The following SYT13 variants were observed in gnomAD, a reference collection of about 807,000 sequenced individuals.
SYT13 encodes synaptotagmin-13.
SYT13 carries 21 observed loss-of-function variants against 38.6 expected under a neutral mutation model. The observed-to-expected ratio is 0.54, with a 90% CI of 0.39 to 0.78. SYT13 has a LOEUF of 0.78. Among genes scored for constraint, SYT13 ranks in the 30% least tolerant of loss-of-function variants. The pLI is 0.00. For missense variants in SYT13, 495 were observed against 548.7 expected, an observed-to-expected ratio of 0.90 and a Z score of 0.98; for synonymous variants, 241 against 237.6, an observed-to-expected ratio of 1.01 and a Z score of -0.13.
intron 1 of SYT13, among the ~76,000 whole-genome samples, chr11:45,260,083 G>T (rs1230395695): frequency 1.3e-5 from 2 of 152,188 alleles, no homozygotes; most frequent in African/African-American, 4.8e-5. Context: ...CATGACCCTG[G>T]TGTAGAGAAA....
chr11:45,282,299 A>G (rs1855084035), intron 1 of SYT13, among the ~76,000 whole-genome samples: 1 of 152,196 alleles, frequency 6.6e-6, no homozygotes, highest in African/African-American at 2.4e-5. Context: ...GAAGGGCTGC[A>G]CATTAAGAGT....
chr11:45,255,727 G>A lies in SYT13; in HGVS notation c.348C>T (p.Pro116=), dbSNP rs373842515. ...EEPTAPASPQ[P]PNDSRLKRQV... is the part of the protein sequence containing the mutation. ...GCCTCTTGAGGCGACTGTCATTCGGGGGTTGGGGGCTGGCAGGTGCAGTGG... is the reference window on the plus strand; with the variant it reads ...GCCTCTTGAGGCGACTGTCATTCGGAGGTTGGGGGCTGGCAGGTGCAGTGG... Residue 116 remains proline, a synonymous_variant, in exon 2 of 6, where the codon CCC becomes CCT. Transcript: ENST00000020926. The A allele has an allele frequency of 3.1e-6, 5 of 1,614,102 alleles. No individual in the cohort carries two copies. In the East Asian group the frequency reaches 6.7e-5, roughly 22 times the overall value.
At position 45,255,660 on chromosome 11, in the gene SYT13, C is replaced by T. The variant is rs1854735165; in HGVS notation, c.409+6G>A. The T allele has an allele frequency of 6.2e-7, 1 of 1,611,450 alleles. No individual in the cohort carries two copies. ...CATGGAAGTGCAGGGGGCAGGAGAC[C>T]CCTACCATTCTGAGGGAGGATGAAC... On this transcript the variant is annotated splice_donor_region_variant and intron_variant, in intron 2 of 5. Transcript: ENST00000020926.
chr11:45,260,519 G>A (rs969877615), intron 1 of SYT13, among the ~76,000 whole-genome samples: 1 of 152,160 alleles, frequency 6.6e-6, no homozygotes, highest in Non-Finnish European at 1.5e-5. Flanking sequence ...CAGGGCCCTA[G>A]AGAGAGACCT....
chr11:45,252,501 C>G lies in SYT13; in HGVS notation c.766G>C (p.Gly256Arg). The G allele has an allele frequency of 6.2e-7, 1 of 1,613,820 alleles. No homozygotes were observed. Among genetic ancestry groups the G allele is most frequent in the South Asian group, 1.1e-5 (1 of 91,074 alleles). ...CDRFSRHSVA[G>R]ELRLGLDGTS... is the part of the protein sequence containing the mutation. ...CCGTCCAGGCCCAGGCGGAGCTCCC[C>G]GGCCACGCTGTGACGGGAGAAGCGG... Residue 256 changes from glycine to arginine, a missense_variant, in exon 4 of 6, where the codon GGG becomes CGG. Coordinates refer to ENST00000020926, the MANE Select transcript of SYT13 (RefSeq NM_020826.3). The surrounding 1 kb of genome is among the most constrained non-coding windows in gnomAD (Gnocchi z 4.3).
At chr11:45,275,005 C>A (rs1854992702) in intron 1 of SYT13, among the ~76,000 whole-genome samples, 1 of 152,120 alleles carries the variant, frequency 6.6e-6, no homozygotes, top group African/African-American at 2.4e-5. Flanking sequence ...TCCTGCTGGT[C>A]TTGATTTCTT....
chr11:45,285,078 C>T (rs909657895), intron 1 of SYT13, among the ~76,000 whole-genome samples: 9 of 152,164 alleles, frequency 5.9e-5, no homozygotes, highest in African/African-American at 2.2e-4. Flanking sequence ...TTTAGGAGGT[C>T]CTTTAAGTCA....
In SYT13 at chr11:45,255,753, G is replaced by T. The variant is rs1230967400; in HGVS notation, c.322C>A (p.Pro108Thr). 1.2e-6 allele frequency: 2 copies of T among 1,614,048 alleles called. No individual in the cohort carries two copies. The highest frequency in any genetic ancestry group is 8.5e-7 in the Non-Finnish European group (1 of 1,180,040). ...GGTTGGGGGCTGGCAGGTGCAGTGG[G>T]CTCCTCCGTAGACCTCAGTGAATAG... is the stretch of plus-strand genomic sequence containing the variant. ...ADYSLRSTEE[P>T]TAPASPQPPN... is the part of the protein sequence containing the mutation. The change falls in exon 2 of 6, where the codon CCC becomes ACC. Residue 108 changes from proline (P) to threonine (T), a missense_variant. Transcript: ENST00000020926.
chr11:45,284,492 G>A (rs190349199), intron 1 of SYT13, among the ~76,000 whole-genome samples: 1 of 152,330 alleles, frequency 6.6e-6, no homozygotes, highest in African/African-American at 2.4e-5. Flanking sequence ...TCAGTGAGAA[G>A]TTGTGGAGGA....
intron 5 of SYT13, 113 bp from the exon 6 acceptor site, chr11:45,244,469 A>T: frequency 7.7e-7 from 1 of 1,299,524 alleles, no homozygotes; most frequent in Non-Finnish European, 1.0e-6. Flanking sequence ...GATGCTCAAG[A>T]GTTCGGACAT....
intron 1 of SYT13, among the ~76,000 whole-genome samples, chr11:45,270,305 T>G (rs1426050123): frequency 6.6e-6 from 1 of 152,224 alleles, no homozygotes; most frequent in Non-Finnish European, 1.5e-5. Flanking sequence ...TTAGACTTTT[T>G]TTTCTTAGTT....
intron 1 of SYT13, among the ~76,000 whole-genome samples, chr11:45,263,591 C>G (rs1854846123): frequency 6.6e-6 from 1 of 152,200 alleles, no homozygotes; most frequent in Non-Finnish European, 1.5e-5. Flanking sequence ...TGATGCCAAC[C>G]ATGGGCCACT....
chr11:45,262,726 C>A (rs1427806446), intron 1 of SYT13, among the ~76,000 whole-genome samples: 1 of 80,658 alleles, frequency 1.2e-5, no homozygotes, highest in Non-Finnish European at 2.2e-5. Context: ...TCCTATCACA[C>A]ACACACACAC....
At position 45,243,109 on chromosome 11, in the gene SYT13, A is replaced by G. The variant is rs1232334236; in HGVS notation, c.*943T>C. On this transcript the variant is annotated 3_prime_UTR_variant, in exon 6 of 6. Transcript: ENST00000020926. ...GATGCTGGTGGGTGTGACATCTAGC[A>G]ATCAGAACCCAGCCAATGACTCACA... 6.6e-6 allele frequency: 1 copy of G among 152,176 alleles called. No individual in the cohort carries two copies. The highest frequency in any genetic ancestry group is 1.5e-5 in the Non-Finnish European group (1 of 68,044). 9.4% of individuals were successfully genotyped at this position (152,176 alleles called of 1,614,324 possible). A position where few individuals can be genotyped will look rare whatever the true frequency, so the allele number is the denominator to read the frequency against.
intron 1 of SYT13, among the ~76,000 whole-genome samples, chr11:45,272,733 C>CAAAA (rs1254375048): frequency 3.3e-5 from 5 of 152,180 alleles, no homozygotes; most frequent in Admixed American, 1.3e-4. Flanking sequence ...TATTTTTCCT[C>CAAAA]AGCTCACTCC....
chr11:45,243,823 T>G lies in SYT13; in HGVS notation c.*229A>C. ...GAACTGTATTTAATAAGCACCTCCT[T>G]CAATAACACAGATGAGCAAAATGCA... On this transcript the variant is annotated 3_prime_UTR_variant, in exon 6 of 6. Transcript: ENST00000020926. The G allele has an allele frequency of 1.9e-6, 1 of 516,106 alleles. No homozygotes were observed. The highest frequency in any genetic ancestry group is 3.4e-6 in the Non-Finnish European group (1 of 295,140). 32.0% of individuals were successfully genotyped at this position (516,106 alleles called of 1,614,324 possible).
intron 3 of SYT13, among the ~76,000 whole-genome samples, chr11:45,253,630 G>C (rs1031817959): frequency 2.6e-5 from 4 of 152,186 alleles, no homozygotes; most frequent in Admixed American, 2.6e-4. Context: ...TCAGGGCAGA[G>C]AAACCAAGGA....
In SYT13 at chr11:45,243,780, C is replaced by T. The variant is rs546684224; in HGVS notation, c.*272G>A. On this transcript the variant is annotated 3_prime_UTR_variant, in exon 6 of 6. Coordinates refer to ENST00000020926, the MANE Select transcript of SYT13 (RefSeq NM_020826.3). ...TTTCTCTGCATCTGGCCTAACCCCA[C>T]CTATAAAACAGGCATAGGAACTGTA... 37 of 386,736 alleles carry T rather than the reference C, an allele frequency of 9.6e-5. No individual in the cohort carries two copies. The highest frequency in any genetic ancestry group is 1.5e-4 in the Non-Finnish European group (32 of 217,656). The allele number at this position is 386,736 out of a possible 1,614,324, so 24.0% of individuals were successfully genotyped here.
At chr11:45,248,719 C>T (rs1048932788) in intron 4 of SYT13, among the ~76,000 whole-genome samples, 16 of 152,184 alleles carry the variant, frequency 1.1e-4, no homozygotes, top group Non-Finnish European at 2.4e-4. Context: ...ACAGGTAGCC[C>T]GGGCTATAGC....
Sources: gnomAD v4.1 joint callset for allele counts (sites outside exome capture counted in the v4.1 genomes callset) on GRCh38, gnomAD v4.1.1 for gene constraint, Gnocchi (gnomAD v3.1) non-coding constraint, MANE v1.5 for transcripts, NCBI Gene and HGNC (gene_info 2026-07-23, HGNC 2026-07-21) for gene names.